Variants in PCDHGA6 observed in about 807,000 individuals in gnomAD.
The protein encoded by PCDHGA6 is protocadherin gamma subfamily A, 6.
Under a neutral mutation model 60.6 loss-of-function variants are expected in PCDHGA6, and 41 were observed. The ratio of observed to expected loss-of-function variants is 0.68; its 90% CI spans 0.53 to 0.88. The LOEUF is 0.88. PCDHGA6 is among the 40% of genes least tolerant of loss of function. PCDHGA6 has a pLI of 0.00. For missense variants in PCDHGA6, 1,312 were observed against 1,203.0 expected (o/e 1.09, Z -1.34); for synonymous variants, 594 against 524.4 (o/e 1.13, Z -1.81).
intron 1 of PCDHGA6, among the ~76,000 whole-genome samples, chr5:141,474,669 C>T (rs983136753): frequency 6.6e-6 from 1 of 152,198 alleles, no homozygotes; most frequent in Non-Finnish European, 1.5e-5. Flanking sequence ...CCTACCTAAC[C>T]TATGTGCCTA....
At chr5:141,382,873 C>G (rs1338163064) in intron 1 of PCDHGA6, 4 of 1,522,326 alleles carry the variant, frequency 2.6e-6, no homozygotes, top group Non-Finnish European at 3.5e-6. Context: ...CCGAGATCGG[C>G]GCCTAAGCAA....
chr5:141,500,184 T>TTTTATTTA (rs58019021), intron 2 of PCDHGA6, among the ~76,000 whole-genome samples: 1,392 of 135,954 alleles, frequency 0.01, 12 homozygotes, highest in South Asian at 0.02. Flanking sequence ...TCATTTTTAT[T>TTTTATTTA]TTTATTTATT....
intron 1 of PCDHGA6, chr5:141,492,050 C>T (rs2099736541): frequency 4.0e-6 from 2 of 500,984 alleles, no homozygotes; most frequent in South Asian, 7.5e-5. Context: ...AGATCCACCC[C>T]TGCAGCCAGC....
intron 1 of PCDHGA6, chr5:141,385,538 G>A (rs914768371): frequency 4.1e-5 from 55 of 1,337,642 alleles, no homozygotes; most frequent in Non-Finnish European, 4.8e-5. Flanking sequence ...TTATGAATAT[G>A]TGGACTATCA....
At chr5:141,495,153 T>G (rs2154591630) in intron 2 of PCDHGA6, among the ~76,000 whole-genome samples, 1 of 152,290 alleles carries the variant, frequency 6.6e-6, no homozygotes, top group East Asian at 1.9e-4. Flanking sequence ...AGGATGGTCT[T>G]AAGCTGGTCT....
intron 1 of PCDHGA6, chr5:141,384,489 A>G: frequency 6.2e-7 from 1 of 1,614,168 alleles, no homozygotes. Flanking sequence ...AACTACAACT[A>G]AGAGTGACTG....
intron 1 of PCDHGA6, chr5:141,377,300 T>A (rs929187277): frequency 3.3e-5 from 5 of 152,140 alleles, no homozygotes; most frequent in Admixed American, 2.6e-4. Flanking sequence ...TTTAGGTCAG[T>A]GTTAAAGATC....
chr5:141,433,547 C>G (rs2097621028), intron 1 of PCDHGA6, among the ~76,000 whole-genome samples: 1 of 152,086 alleles, frequency 6.6e-6, no homozygotes, highest in South Asian at 2.1e-4. Context: ...ATCAGATATT[C>G]TTTTCTGGCT....
rs1344329529 is a variant in PCDHGA6, at chr5:141,456,847, C to T, written c.2425-37960C>T. Among the ~76,000 whole-genome samples the T allele has an allele frequency of 2.0e-5, 3 of 152,084 alleles. No homozygotes were observed. The East Asian group carries it at 5.8e-4, about 29-fold the overall frequency. ...TCGTGGTAGTGGGCGCCTGTAATCC[C>T]AGCTAATTGGGAGGCTGAGGCAGGA... On this transcript the variant is annotated intron_variant, in intron 1 of 3. Transcript: ENST00000517434.
intron 1 of PCDHGA6, chr5:141,410,489 G>T (rs1233643247): frequency 1.9e-6 from 3 of 1,613,854 alleles, no homozygotes; most frequent in Non-Finnish European, 1.7e-6. Context: ...GGGTACAAAA[G>T]AGTTTAATTT....
rs759146011 is a variant in PCDHGA6, at chr5:141,477,635, G to A, written c.2425-17172G>A. 6.2e-7 allele frequency: 1 copy of A among 1,614,138 alleles called. No homozygotes were observed. The highest frequency in any genetic ancestry group is 8.5e-7 in the Non-Finnish European group (1 of 1,180,040). On this transcript the variant is annotated intron_variant, in intron 1 of 3. Coordinates refer to ENST00000517434, the MANE Select transcript of PCDHGA6 (RefSeq NM_018919.3). This position sits in a 1 kb window ranked among gnomAD's most constrained non-coding sequence, Gnocchi z 4.9. ...GCAAGGAGCTGAAACCGGGCTAGTG[G>A]GTCGCTATTTCACAATAAATCGTGA...
intron 1 of PCDHGA6, among the ~76,000 whole-genome samples, chr5:141,460,981 G>A (rs35435563): frequency 1.6e-4 from 20 of 121,900 alleles, no homozygotes; most frequent in African/African-American, 3.7e-4. Context: ...GTGTGTGTGT[G>A]TGTATATATA....
chr5:141,418,282 A>T (rs1209026046), intron 1 of PCDHGA6: 2 of 1,614,030 alleles, frequency 1.2e-6, no homozygotes, highest in Non-Finnish European at 1.7e-6. Flanking sequence ...TAAACTTAGA[A>T]ATCAGTGAAT....
intron 1 of PCDHGA6, chr5:141,419,237 C>A (rs2096348240): frequency 6.2e-7 from 1 of 1,613,988 alleles, no homozygotes; most frequent in Non-Finnish European, 8.5e-7. Flanking sequence ...CTACCTGGTC[C>A]ACGTGCCAGA....
At chr5:141,430,405 A>T (rs1163049877) in intron 1 of PCDHGA6, among the ~76,000 whole-genome samples, 1 of 152,124 alleles carries the variant, frequency 6.6e-6, no homozygotes, top group Non-Finnish European at 1.5e-5. Flanking sequence ...AAGCTCACTA[A>T]AGTTTCTATT....
rs755177334 is a variant in PCDHGA6, at chr5:141,403,403, C to A, written c.2424+26896C>A. On this transcript the variant is annotated intron_variant, in intron 1 of 3. Coordinates refer to ENST00000517434, the MANE Select transcript of PCDHGA6 (RefSeq NM_018919.3). ...TAACGAAATCGCGGTTCCTGGAGCA[C>A]GTTATCCACTTCCAGAAGCTATTGA... 6.2e-6 allele frequency: 10 copies of A among 1,613,948 alleles called. 1 individual carries two copies. The South Asian group carries it at 1.1e-4, about 18-fold the overall frequency.
Position 141,485,365 on chromosome 5 carries a change from G to A in PCDHGA6, c.2425-9442G>A. 1 of 1,614,120 alleles carries A rather than the reference G, an allele frequency of 6.2e-7. No homozygotes were observed. Among genetic ancestry groups the A allele is most frequent in the Admixed American group, 1.7e-5 (1 of 60,018 alleles). ...CGGACAGTCTGTCAGCTCGCAGGCT[G>A]CAGGTCGCTGGAGAGGTGAACCAAA... On this transcript the variant is annotated intron_variant, in intron 1 of 3. Transcript: ENST00000517434. The surrounding 1 kb of genome is among the most constrained non-coding windows in gnomAD (Gnocchi z 5.7).
Position 141,404,638 on chromosome 5 carries a change from C to T in PCDHGA6, c.2424+28131C>T, listed in dbSNP as rs776247476. On this transcript the variant is annotated intron_variant, in intron 1 of 3. Coordinates refer to ENST00000517434, the MANE Select transcript of PCDHGA6 (RefSeq NM_018919.3). Reference sequence around the variant, plus strand: ...ACCAGAATGACAATGCCCCAGAAATCCTGTACCCTGCCCTCCCCACTGATG... The same window carrying T: ...ACCAGAATGACAATGCCCCAGAAATTCTGTACCCTGCCCTCCCCACTGATG... 5 of 1,614,194 alleles carry T rather than the reference C, an allele frequency of 3.1e-6. No homozygotes were observed. In the South Asian group the frequency reaches 5.5e-5, roughly 18 times the overall value.
rs561359605 is a variant in PCDHGA6 at position 141,400,125 on chromosome 5, G to A, written c.2424+23618G>A. ...TGGTCTTTGCTGACAGCTTGCAGGA[G>A]GTGCTGCCGGATATCACTGACCGCC... On this transcript the variant is annotated intron_variant, in intron 1 of 3. Coordinates refer to ENST00000517434, the MANE Select transcript of PCDHGA6 (RefSeq NM_018919.3). The A allele has an allele frequency of 2.5e-4, 399 of 1,614,072 alleles. 3 individuals are homozygous for A. In the Admixed American group the frequency reaches 6.3e-3, roughly 26 times the overall value.
Sources: gnomAD v4.1 joint callset for allele counts (sites outside exome capture counted in the v4.1 genomes callset) on GRCh38, gnomAD v4.1.1 for gene constraint, Gnocchi (gnomAD v3.1) non-coding constraint, MANE v1.5 for transcripts, NCBI Gene and HGNC (gene_info 2026-07-23, HGNC 2026-07-21) for gene names.